Variants in RNF6 observed in about 807,000 individuals in gnomAD.
RNF6 encodes the protein ring finger protein 6.
A neutral mutation model predicts 50.1 loss-of-function variants in RNF6; 21 were observed. The observed-to-expected ratio is 0.42, with a 90% CI of 0.30 to 0.60. The LOEUF is 0.60. RNF6 is among the 20% of genes least tolerant of loss of function. The pLI is 0.20. For missense variants in RNF6, 698 were observed against 838.2 expected, an observed-to-expected ratio of 0.83 and a Z score of 2.07; for synonymous variants, 255 against 291.8, an observed-to-expected ratio of 0.87 and a Z score of 1.29.
intron 2 of RNF6, 141 bp downstream of exon 2, chr13:26,221,104 CAAT>C (rs1870439545): frequency 6.6e-6 from 1 of 152,126 alleles, no homozygotes; most frequent in Non-Finnish European, 1.5e-5. Flanking sequence ...GTAGGTACAG[CAAT>C]AATAGGATTT....
At chr13:26,135,885 C>A (rs922624440) in intron 5 of RNF6, among the ~76,000 whole-genome samples, 2 of 152,120 alleles carry the variant, frequency 1.3e-5, no homozygotes, top group African/African-American at 4.8e-5. Flanking sequence ...CCTCCTCCCT[C>A]GCTCTCTTGC....
Position 26,215,432 on chromosome 13 carries a change from A to C in RNF6, c.450T>G (p.Ser150Arg). Residue 150 changes from serine to arginine, a missense_variant, in exon 5 of 5, where the codon AGT becomes AGG. Physicochemically the swap from Ser to Arg is moderately radical, Grantham distance 110. Coordinates refer to ENST00000381588, the MANE Select transcript of RNF6 (RefSeq NM_005977.4). ...TTTCATGATTTACGTGGATTTCCAA[A>C]CTAAACCGAAACTCTCCATTGTTCG... ...TNPNNGEFRF[S>R]LEIHVNHENR... 6.2e-7 allele frequency: 1 copy of C among 1,614,234 alleles called. No homozygotes were observed. The highest frequency in any genetic ancestry group is 8.5e-7 in the Non-Finnish European group (1 of 1,180,048).
chr13:26,203,990 C>A (rs1440595829), intron 5 of RNF6, among the ~76,000 whole-genome samples: 2 of 152,014 alleles, frequency 1.3e-5, no homozygotes, highest in Non-Finnish European at 2.9e-5. Context: ...GCAATGCAGT[C>A]TGAGGCTTTT....
intron 5 of RNF6, among the ~76,000 whole-genome samples, chr13:26,203,634 G>A (rs571409925): frequency 6.6e-6 from 1 of 152,374 alleles, no homozygotes; most frequent in East Asian, 1.9e-4. Flanking sequence ...CTGTCCAGTG[G>A]TGGCTCCTCT....
intron 2 of RNF6, 71 bp from the exon 3 acceptor site, chr13:26,219,738 TGCA>T (rs1870282666): frequency 1.5e-6 from 2 of 1,370,350 alleles, no homozygotes; most frequent in Non-Finnish European, 2.0e-6. Flanking sequence ...ATTTTTAACT[TGCA>T]GTTTTTCTTA....
At chr13:26,163,015 A>G (rs984112187) in intron 5 of RNF6, among the ~76,000 whole-genome samples, 1 of 152,242 alleles carries the variant, frequency 6.6e-6, no homozygotes, top group African/African-American at 2.4e-5. Context: ...GAGTTTCAAC[A>G]ATTACCAACT....
Position 26,214,160 on chromosome 13 carries a change from T to C in RNF6, c.1722A>G (p.Pro574=). The C allele has an allele frequency of 6.2e-7, 1 of 1,614,234 alleles. No individual in the cohort carries two copies. Among genetic ancestry groups the C allele is most frequent in the Non-Finnish European group, 8.5e-7 (1 of 1,180,044 alleles). ...DSRGGRQLRN[P]NNLVETGTLP... ...GTGTTCCAGTTTCAACTAAATTGTT[T>C]GGATTTCGCAACTGCCTGCCACCCC... is the stretch of plus-strand genomic sequence containing the variant. Residue 574 remains proline (P), a synonymous_variant, in exon 5 of 5, where the codon CCA becomes CCG. Transcript: ENST00000381588.
At chr13:26,138,498 CCTCT>C (rs1393045907) in intron 5 of RNF6, among the ~76,000 whole-genome samples, 3 of 152,000 alleles carry the variant, frequency 2.0e-5, no homozygotes, top group Non-Finnish European at 4.4e-5. Flanking sequence ...CTTGTTTTCT[CCTCT>C]CTAATTTGAA....
chr13:26,185,721 G>A (rs932324165), intron 5 of RNF6, among the ~76,000 whole-genome samples: 1 of 152,194 alleles, frequency 6.6e-6, no homozygotes, highest in Non-Finnish European at 1.5e-5. Context: ...ACTCCAGCCT[G>A]GGCAAAACGA....
rs751113959 is a variant in RNF6, at chr13:26,214,200, C to T, written c.1682G>A (p.Arg561Gln). Residue 561 changes from arginine to glutamine, a missense_variant, in exon 5 of 5, where the codon CGA becomes CAA. Physicochemically the swap from Arg to Gln is conservative, Grantham distance 43. Transcript: ENST00000381588. ...GENETTQPHT[R>Q]NSDSRGGRQL... ...CCTGCCACCCCTACTGTCACTGTTT[C>T]GAGTATGAGGCTGGGTGGTCTCGTT... is the stretch of plus-strand genomic sequence containing the variant. 1.9e-6 allele frequency: 3 copies of T among 1,614,044 alleles called. No homozygotes were observed. Among genetic ancestry groups the T allele is most frequent in the East Asian group, 2.2e-5 (1 of 44,900 alleles).
chr13:26,155,661 G>A (rs1405269791), intron 5 of RNF6, among the ~76,000 whole-genome samples: 2 of 152,212 alleles, frequency 1.3e-5, no homozygotes, highest in African/African-American at 2.4e-5. Flanking sequence ...TAGGTCTGAA[G>A]GGATGCCATC....
At chr13:26,190,222 G>T (rs1019888795) in intron 5 of RNF6, among the ~76,000 whole-genome samples, 2 of 152,148 alleles carry the variant, frequency 1.3e-5, no homozygotes, top group African/African-American at 4.8e-5. Context: ...AGCAGGGAAA[G>T]GTTCTCTGAG....
At chr13:26,196,635 A>C (rs1360057529) in intron 5 of RNF6, among the ~76,000 whole-genome samples, 1 of 150,790 alleles carries the variant, frequency 6.6e-6, no homozygotes, top group Non-Finnish European at 1.5e-5. Flanking sequence ...TCTTTCTCCA[A>C]AAAATAAATA....
intron 5 of RNF6, among the ~76,000 whole-genome samples, chr13:26,162,560 C>A (rs1363950004): frequency 2.0e-5 from 3 of 152,172 alleles, no homozygotes; most frequent in Non-Finnish European, 4.4e-5. Flanking sequence ...TGTACCAGGG[C>A]AGAACTACTG....
intron 5 of RNF6, among the ~76,000 whole-genome samples, chr13:26,150,605 C>T (rs1871539486): frequency 6.6e-6 from 1 of 151,960 alleles, no homozygotes; most frequent in Non-Finnish European, 1.5e-5. Flanking sequence ...CCTAGTAAGT[C>T]CTGTTAGTCT....
chr13:26,151,986 C>A (rs1871632637), intron 5 of RNF6, among the ~76,000 whole-genome samples: 1 of 152,138 alleles, frequency 6.6e-6, no homozygotes, highest in Non-Finnish European at 1.5e-5. Context: ...TCACGACTGC[C>A]ACTGCCTTCT....
chr13:26,167,048 T>G (rs866827627), intron 5 of RNF6, among the ~76,000 whole-genome samples: 2 of 152,250 alleles, frequency 1.3e-5, no homozygotes, highest in South Asian at 4.1e-4. Context: ...TGTGAGAACA[T>G]GCTAACGCAA....
chr13:26,215,004 T>A lies in RNF6; in HGVS notation c.878A>T (p.Asn293Ile). The A allele has an allele frequency of 6.2e-7, 1 of 1,614,242 alleles. No individual in the cohort carries two copies. The highest frequency in any genetic ancestry group is 8.5e-7 in the Non-Finnish European group (1 of 1,180,038). ...TATTGGCTCTAATCTTTGGTTTGTA[T>A]TCCTCACTGTAACATTACTTCTAGC... ...NGARSNVTVR[N>I]TNQRLEPIRL... Residue 293 changes from asparagine to isoleucine, a missense_variant, in exon 5 of 5, where the codon AAT (asparagine) becomes ATT (isoleucine). By Grantham distance (149) the Asn-to-Ile change is moderately radical. Coordinates refer to ENST00000381588, the MANE Select transcript of RNF6 (RefSeq NM_005977.4).
chr13:26,135,386 T>G (rs1393911519), intron 5 of RNF6: 1 of 152,216 alleles, frequency 6.6e-6, no homozygotes, highest in Non-Finnish European at 1.5e-5. Flanking sequence ...TAATGTACCA[T>G]TTTAATATCT....
Sources: gnomAD v4.1 joint callset for allele counts (sites outside exome capture counted in the v4.1 genomes callset) on GRCh38, gnomAD v4.1.1 for gene constraint, MANE v1.5 for transcripts, NCBI Gene and HGNC (gene_info 2026-07-23, HGNC 2026-07-21) for gene names.